The following TBCK variants were observed in gnomAD, a reference collection of about 807,000 sequenced individuals.
The protein encoded by TBCK is TBC domain-containing protein kinase-like protein.
TBCK carries 99 observed loss-of-function variants against 113.4 expected under a neutral mutation model. The observed-to-expected ratio is 0.87, with a 90% CI of 0.74 to 1.03. TBCK has a LOEUF of 1.03. TBCK is among the 50% of genes least tolerant of loss of function. The pLI is 0.00. For missense variants in TBCK, 1,045 were observed against 1,061.3 expected (o/e 0.98, Z 0.21); for synonymous variants, 369 against 370.8 (o/e 1.00, Z 0.05).
At chr4:106,307,051 T>G (rs1767601502) in intron 2 of TBCK, among the ~76,000 whole-genome samples, 1 of 152,230 alleles carries the variant, frequency 6.6e-6, no homozygotes, top group Non-Finnish European at 1.5e-5. Context: ...TGACAACATC[T>G]AACTATTTAC....
At chr4:106,176,646 G>A (rs1751701032) in intron 22 of TBCK, among the ~76,000 whole-genome samples, 1 of 152,008 alleles carries the variant, frequency 6.6e-6, no homozygotes, top group African/African-American at 2.4e-5. Context: ...AAACATGAGA[G>A]TGCAGACATC....
chr4:106,249,265 G>C (rs369887581), intron 7 of TBCK, among the ~76,000 whole-genome samples: 26 of 152,124 alleles, frequency 1.7e-4, no homozygotes, highest in Admixed American at 1.1e-3. Context: ...AGCTCTCTCT[G>C]TCTCTCTCTA....
chr4:106,118,384 T>C (rs1444667202), intron 23 of TBCK, among the ~76,000 whole-genome samples: 1 of 152,216 alleles, frequency 6.6e-6, no homozygotes, highest in Non-Finnish European at 1.5e-5. Flanking sequence ...GAAATGGAAA[T>C]TGCTAAGCTT....
intron 23 of TBCK, among the ~76,000 whole-genome samples, chr4:106,144,301 AG>A (rs929517050): frequency 1.3e-5 from 2 of 152,212 alleles, no homozygotes; most frequent in African/African-American, 4.8e-5. Flanking sequence ...TTCGAATAAA[AG>A]TTGAGTAAGT....
chr4:106,163,039 C>G (rs1749970876), intron 23 of TBCK, among the ~76,000 whole-genome samples: 1 of 152,090 alleles, frequency 6.6e-6, no homozygotes, highest in Non-Finnish European at 1.5e-5. Context: ...CTCTTGGACA[C>G]TTTGCCACTT....
chr4:106,214,795 G>T (rs1405501430), intron 19 of TBCK, among the ~76,000 whole-genome samples: 2 of 151,896 alleles, frequency 1.3e-5, no homozygotes, highest in South Asian at 4.2e-4. Context: ...CACTCTGCAG[G>T]ATATTATCCA....
In TBCK at chr4:106,233,668, A is replaced by G; in HGVS notation, c.1450-18T>C. 3 of 1,571,466 alleles carry G rather than the reference A, an allele frequency of 1.9e-6. No homozygotes were observed. Among genetic ancestry groups the G allele is most frequent in the Non-Finnish European group, 2.6e-6 (3 of 1,147,708 alleles). On this transcript the variant is annotated intron_variant, in intron 15 of 25. Coordinates refer to ENST00000394708, the MANE Select transcript of TBCK (RefSeq NM_001163435.3). ...ATAGCTCCCTGCAAAAAATAAAAGA[A>G]GATATATTAATTTATCATATCCTTA...
At chr4:106,238,957 AT>A (rs755439597) in intron 12 of TBCK, among the ~76,000 whole-genome samples, 3 of 152,058 alleles carry the variant, frequency 2.0e-5, no homozygotes, top group Non-Finnish European at 2.9e-5. Context: ...CTTCCATGAG[AT>A]TAACCTCTGC....
chr4:106,242,669 A>C (rs1024142433), intron 11 of TBCK, 100 bp from the exon 12 acceptor site: 3 of 685,042 alleles, frequency 4.4e-6, no homozygotes, highest in Non-Finnish European at 4.6e-6. Context: ...CTTCATCAAA[A>C]AAGAATTAAA....
chr4:106,306,117 C>T (rs867911911), intron 2 of TBCK, among the ~76,000 whole-genome samples: 4 of 152,144 alleles, frequency 2.6e-5, no homozygotes, highest in Middle Eastern at 6.8e-3. Flanking sequence ...TGGATTGGGA[C>T]CCTTTCCTGT....
rs1233632905 is a variant in TBCK, at chr4:106,138,855, T to G, written c.2236-22477A>C. Among the ~76,000 whole-genome samples, 5 of 141,258 alleles carry G rather than the reference T, an allele frequency of 3.5e-5. 1 individual carries two copies. Among genetic ancestry groups the G allele is most frequent in the Non-Finnish European group, 8.0e-5 (5 of 62,202 alleles). The allele number at this position is 141,258 out of a possible 152,430, so 92.7% of individuals were successfully genotyped here. A position where few individuals can be genotyped will look rare whatever the true frequency, so the allele number is the denominator to read the frequency against. On this transcript the variant is annotated intron_variant, in intron 23 of 25. Coordinates refer to ENST00000394708, the MANE Select transcript of TBCK (RefSeq NM_001163435.3). ...CTTTTGATAATTTTCTTCTGAAATGTGATAGAGATGCTATTCACACAGCAC... is the reference window on the plus strand; with the variant it reads ...CTTTTGATAATTTTCTTCTGAAATGGGATAGAGATGCTATTCACACAGCAC...
At chr4:106,051,433 C>T (rs1459865440) in intron 25 of TBCK, among the ~76,000 whole-genome samples, 2 of 151,846 alleles carry the variant, frequency 1.3e-5, no homozygotes, top group Non-Finnish European at 2.9e-5. Flanking sequence ...CATTCCTTTC[C>T]CTCCAAATAA....
rs540746932 is a variant in TBCK, at chr4:106,207,616, C to T, written c.1860+5134G>A. Among the ~76,000 whole-genome samples, 21 of 152,224 alleles carry T rather than the reference C, an allele frequency of 1.4e-4. No individual in the cohort carries two copies. In the South Asian group the frequency reaches 4.4e-3, roughly 32 times the overall value. ...TTTAAAAGTCCTCCATTTCATCATG[C>T]CCCTCCCATAAGTACTCACTGTCAA... is the stretch of plus-strand genomic sequence containing the variant. On this transcript the variant is annotated intron_variant, in intron 20 of 25. Coordinates refer to ENST00000394708, the MANE Select transcript of TBCK (RefSeq NM_001163435.3).
intron 3 of TBCK, among the ~76,000 whole-genome samples, chr4:106,290,668 C>A (rs867381944): frequency 6.6e-6 from 1 of 152,072 alleles, no homozygotes. Context: ...GGTTCCCAAC[C>A]CCCCCACCAT....
At chr4:106,204,215 TA>T (rs1173872363) in intron 20 of TBCK, among the ~76,000 whole-genome samples, 9 of 152,224 alleles carry the variant, frequency 5.9e-5, no homozygotes, top group African/African-American at 2.2e-4. Context: ...ACATCAATGG[TA>T]AGAGGGTTGC....
At chr4:106,236,301 T>C (rs1028630324) in intron 14 of TBCK, 89 bp downstream of exon 14, 49 of 965,018 alleles carry the variant, frequency 5.1e-5, no homozygotes, top group Non-Finnish European at 6.2e-5. Flanking sequence ...AATCTTCTTA[T>C]TACTCAAGAT....
chr4:106,051,713 G>T (rs911870000), intron 25 of TBCK, among the ~76,000 whole-genome samples: 1 of 151,810 alleles, frequency 6.6e-6, no homozygotes, highest in Non-Finnish European at 1.5e-5. Context: ...GCTAGACAAG[G>T]CAGATAAGCA....
chr4:106,088,721 A>G (rs1215283384), intron 25 of TBCK, among the ~76,000 whole-genome samples: 2 of 152,246 alleles, frequency 1.3e-5, no homozygotes. Flanking sequence ...AAACTGGATA[A>G]AGAAAACCAT....
intron 20 of TBCK, among the ~76,000 whole-genome samples, chr4:106,203,903 G>A (rs1015433482): frequency 3.3e-5 from 5 of 152,048 alleles, no homozygotes; most frequent in Non-Finnish European, 7.4e-5. Context: ...AAAATTCAAA[G>A]TGGCAGAAAA....
Sources: allele counts gnomAD v4.1 joint callset (sites outside exome capture counted in the v4.1 genomes callset), GRCh38; gene constraint gnomAD v4.1.1; transcripts MANE v1.5; gene names NCBI Gene and HGNC (gene_info 2026-07-23, HGNC 2026-07-21).